XIRP2: variants seen among roughly 807,000 people sequenced by gnomAD.
XIRP2 encodes the protein xin actin binding repeat containing 2, also known as xin actin-binding repeat-containing protein 2.
In XIRP2, 236 loss-of-function variants were observed where a neutral mutation model predicts 277.0. The ratio of observed to expected loss-of-function variants is 0.85; its 90% CI spans 0.77 to 0.95. XIRP2 has a LOEUF of 0.95. XIRP2 is among the 40% of genes least tolerant of loss of function. The pLI is 0.00. For synonymous variants in XIRP2, 1,490 were observed against 1,416.5 expected (o/e 1.05, Z -1.17); for missense variants, 4,640 against 4,157.5 (o/e 1.12, Z -3.19).
chr2:166,932,643 A>G (rs114809936), intron 2 of XIRP2, among the ~76,000 whole-genome samples: 2 of 152,298 alleles, frequency 1.3e-5, no homozygotes, highest in African/African-American at 2.4e-5. Flanking sequence ...TAATATTTCT[A>G]TATTTTCTTT....
intron 2 of XIRP2, among the ~76,000 whole-genome samples, chr2:167,070,928 A>G (rs1689422524): frequency 6.6e-6 from 1 of 152,184 alleles, no homozygotes; most frequent in South Asian, 2.1e-4. Context: ...TCTTTATACT[A>G]AGCATTTGTC....
chr2:166,969,394 A>G (rs1686514690), intron 2 of XIRP2, among the ~76,000 whole-genome samples: 1 of 152,056 alleles, frequency 6.6e-6, no homozygotes, highest in Non-Finnish European at 1.5e-5. Flanking sequence ...ATTTCCATAT[A>G]TGAAAGTAGT....
chr2:167,204,040 T>C (rs1370491235), intron 3 of XIRP2, among the ~76,000 whole-genome samples: 1 of 152,174 alleles, frequency 6.6e-6, no homozygotes, highest in East Asian at 1.9e-4. Context: ...ATGTATCACC[T>C]GAAGTGTGCT....
chr2:167,045,423 G>A (rs1347205452), intron 2 of XIRP2, among the ~76,000 whole-genome samples: 1 of 151,834 alleles, frequency 6.6e-6, no homozygotes, highest in Non-Finnish European at 1.5e-5. Context: ...AAACTAAAGA[G>A]TTCTGCACAG....
At chr2:167,079,043 A>T (rs1395303736) in intron 2 of XIRP2, among the ~76,000 whole-genome samples, 6 of 152,022 alleles carry the variant, frequency 3.9e-5, no homozygotes, top group Non-Finnish European at 8.8e-5. Flanking sequence ...TTCAATGCAT[A>T]GTTTCCTGAG....
chr2:167,071,717 G>A (rs1021742005), intron 2 of XIRP2, among the ~76,000 whole-genome samples: 8 of 152,244 alleles, frequency 5.3e-5, no homozygotes, highest in South Asian at 2.1e-4. Flanking sequence ...CTATGAAAAC[G>A]GGGAAAGTAT....
At chr2:167,141,602 T>A (rs1171122966) in intron 3 of XIRP2, among the ~76,000 whole-genome samples, 4 of 152,082 alleles carry the variant, frequency 2.6e-5, no homozygotes, top group African/African-American at 9.7e-5. Context: ...CTTGAATAAG[T>A]AAATATTCTC....
At chr2:167,200,767 C>T (rs1693660613) in intron 3 of XIRP2, among the ~76,000 whole-genome samples, 1 of 152,116 alleles carries the variant, frequency 6.6e-6, no homozygotes, top group African/African-American at 2.4e-5. Context: ...ACAACCATGC[C>T]TAGCCGACAG....
intron 2 of XIRP2, among the ~76,000 whole-genome samples, chr2:167,117,280 T>C (rs962606846): frequency 6.6e-6 from 1 of 152,136 alleles, no homozygotes; most frequent in East Asian, 1.9e-4. Flanking sequence ...CTGGTCACTT[T>C]TGACTCCTCT....
At chr2:166,929,259 T>C (rs1367386286) in intron 2 of XIRP2, among the ~76,000 whole-genome samples, 1 of 152,122 alleles carries the variant, frequency 6.6e-6, no homozygotes, top group Non-Finnish European at 1.5e-5. Context: ...AGATATGTTT[T>C]CCACTTGAAC....
intron 3 of XIRP2, among the ~76,000 whole-genome samples, chr2:167,165,870 T>C (rs533333664): frequency 6.6e-6 from 1 of 152,344 alleles, no homozygotes; most frequent in East Asian, 1.9e-4. Flanking sequence ...TGTTCTCTCA[T>C]GGATTATGTT....
At chr2:167,172,101 T>G (rs1573932118) in intron 3 of XIRP2, among the ~76,000 whole-genome samples, 1 of 152,230 alleles carries the variant, frequency 6.6e-6, no homozygotes, top group East Asian at 1.9e-4. Flanking sequence ...TTGGCCGGTC[T>G]GAGAAATAAA....
intron 4 of XIRP2, among the ~76,000 whole-genome samples, chr2:167,214,503 G>A (rs79223290): frequency 0.15 from 22,034 of 149,086 alleles, 2,044 homozygotes; most frequent in African/African-American, 0.26. Flanking sequence ...AAAATCAACT[G>A]TATGAATTTT....
intron 2 of XIRP2, among the ~76,000 whole-genome samples, chr2:166,977,595 C>A (rs1229716620): frequency 6.6e-6 from 1 of 151,988 alleles, no homozygotes. Flanking sequence ...TGAATCTAAA[C>A]TAAAAAGAGT....
At chr2:167,161,757 T>TTAGC (rs896531426) in intron 3 of XIRP2, among the ~76,000 whole-genome samples, 1 of 152,202 alleles carries the variant, frequency 6.6e-6, no homozygotes, top group African/African-American at 2.4e-5. Flanking sequence ...GGATTAACAT[T>TTAGC]TAGCTCCTCA....
At chr2:166,938,090 C>T (rs1685571869) in intron 2 of XIRP2, among the ~76,000 whole-genome samples, 2 of 152,106 alleles carry the variant, frequency 1.3e-5, no homozygotes, top group South Asian at 2.1e-4. Flanking sequence ...GTGTCTCTGT[C>T]TCCTTCAGTT....
chr2:166,945,344 C>A (rs1167137288), intron 2 of XIRP2, among the ~76,000 whole-genome samples: 1 of 151,996 alleles, frequency 6.6e-6, no homozygotes, highest in African/African-American at 2.4e-5. Context: ...TTACAGGAAT[C>A]TCCAAATCCG....
At chr2:166,953,119 A>G (rs1278760362) in intron 2 of XIRP2, among the ~76,000 whole-genome samples, 4 of 151,950 alleles carry the variant, frequency 2.6e-5, no homozygotes, top group Non-Finnish European at 5.9e-5. Flanking sequence ...ATGTTCCCCT[A>G]TTATGCAAAT....
At position 166,988,605 on chromosome 2, in the gene XIRP2, T is replaced by TGC. The variant is rs1231282721; in HGVS notation, c.408+84718_408+84719dup. On this transcript the variant is annotated intron_variant, in intron 2 of 10. Transcript: ENST00000409195. Reference sequence around the variant, plus strand: ...GACAGTGGGCGCAGGCCAGTGTGTGTGCGCACCGTGCGCGAGCCGAAGCAG... The same window carrying TGC: ...GACAGTGGGCGCAGGCCAGTGTGTGTGCGCGCACCGTGCGCGAGCCGAAGCAG... 3.1e-5 allele frequency among the ~76,000 whole-genome samples: 4 copies of TGC among 127,958 alleles called. 1 individual carries two copies. In the East Asian group the frequency reaches 8.8e-4, roughly 28 times the overall value. The allele number at this position is 127,958 out of a possible 152,430, so 83.9% of individuals were successfully genotyped here.
Sources: allele counts gnomAD v4.1 joint callset (sites outside exome capture counted in the v4.1 genomes callset), GRCh38; gene constraint gnomAD v4.1.1; transcripts MANE v1.5; gene names NCBI Gene and HGNC (gene_info 2026-07-23, HGNC 2026-07-21).